The following FKBP5 variants were observed in gnomAD, a reference collection of about 807,000 sequenced individuals.
FKBP5 encodes the protein peptidyl-prolyl cis-trans isomerase FKBP5.
Under a neutral mutation model 50.5 loss-of-function variants are expected in FKBP5, and 23 were observed. The observed-to-expected ratio is 0.46, with a 90% CI of 0.33 to 0.65. The LOEUF (loss-of-function observed/expected upper bound fraction) is 0.65, where lower values mean the gene tolerates loss of function less well. Ranked by LOEUF, FKBP5 falls within the 30% of genes least tolerant of loss-of-function variation. The pLI is 0.02. For missense variants in FKBP5, 411 were observed against 553.1 expected (o/e 0.74, Z 2.58); for synonymous variants, 176 against 190.6 (o/e 0.92, Z 0.63).
chr6:35,588,384 G>A (rs2150957840), intron 7 of FKBP5, among the ~76,000 whole-genome samples: 1 of 152,110 alleles, frequency 6.6e-6, no homozygotes, highest in African/African-American at 2.4e-5. Flanking sequence ...ATGTAATTCT[G>A]CTTCCTAATA....
upstream of FKBP5, among the ~76,000 whole-genome samples, chr6:35,693,193 G>A (rs1375192660): frequency 8.5e-6 from 1 of 117,612 alleles, no homozygotes; most frequent in Non-Finnish European, 1.6e-5. Flanking sequence ...GATGGAGCCT[G>A]GCTCTGTTGC....
intron 2 of FKBP5, among the ~76,000 whole-genome samples, chr6:35,715,514 G>GCC (rs1211949171): frequency 6.6e-6 from 1 of 152,162 alleles, no homozygotes; most frequent in Non-Finnish European, 1.5e-5. Flanking sequence ...GACAAAGAGG[G>GCC]CCCCCCTCAG....
chr6:35,602,780 G>A (rs1763187087), intron 5 of FKBP5, among the ~76,000 whole-genome samples: 1 of 152,112 alleles, frequency 6.6e-6, no homozygotes, highest in African/African-American at 2.4e-5. Context: ...AGAACTGACG[G>A]ACAGATGCTA....
intron 3 of FKBP5, among the ~76,000 whole-genome samples, chr6:35,623,122 G>T (rs1763895887): frequency 6.6e-6 from 1 of 151,994 alleles, no homozygotes; most frequent in African/African-American, 2.4e-5. Flanking sequence ...AGCGCCTGTA[G>T]TCCCAGCTAC....
chr6:35,594,313 C>G (rs1762910844), intron 6 of FKBP5, among the ~76,000 whole-genome samples: 1 of 151,648 alleles, frequency 6.6e-6, no homozygotes, highest in Non-Finnish European at 1.5e-5. Context: ...CCACCCTACT[C>G]CAGCCTAGGT....
chr6:35,577,201 G>C lies in FKBP5; in HGVS notation c.1059C>G (p.Gly353=). 1 of 1,612,930 alleles carries C rather than the reference G, an allele frequency of 6.2e-7. No homozygotes were observed. The highest frequency in any genetic ancestry group is 1.1e-5 in the South Asian group (1 of 90,956). ...GCTGGGCTTCACCCCTCCTATACAA[G>C]CCTTTCTCATTGGCACTGTCCAGTC... The part of the protein sequence containing the change: ...ALGLDSANEK[G]LYRRGEAQLL... Residue 353 remains glycine, a synonymous_variant, in exon 10 of 11, where the codon GGC becomes GGG. Transcript: ENST00000357266.
At chr6:35,707,612 T>G (rs1055976617) in intron 2 of FKBP5, among the ~76,000 whole-genome samples, 1 of 152,106 alleles carries the variant, frequency 6.6e-6, no homozygotes, top group Non-Finnish European at 1.5e-5. Context: ...GAACTCATGT[T>G]AAGGGAGTTT....
chr6:35,574,608 G>GA lies in FKBP5; in HGVS notation c.*1226dup, dbSNP rs1323166090. On this transcript the variant is annotated 3_prime_UTR_variant, in exon 11 of 11. Transcript: ENST00000357266. ...CTTTCACAACTCACGCCAGAACAGA[G>GA]AAGCTTGACAGGGCAGGAAAAGCGA... 6.6e-6 allele frequency: 1 copy of GA among 152,508 alleles called. No individual in the cohort carries two copies. Among genetic ancestry groups the GA allele is most frequent in the Non-Finnish European group, 1.5e-5 (1 of 68,044 alleles). 9.4% of individuals were successfully genotyped at this position (152,508 alleles called of 1,614,324 possible).
At chr6:35,609,423 C>T (rs1187136204) in intron 5 of FKBP5, among the ~76,000 whole-genome samples, 1 of 151,958 alleles carries the variant, frequency 6.6e-6, no homozygotes, top group African/African-American at 2.4e-5. Flanking sequence ...ATTCTTATTC[C>T]TTTGTACATA....
At chr6:35,690,931 G>A (rs554765779), upstream of FKBP5, among the ~76,000 whole-genome samples, 2 of 151,308 alleles carry the variant, frequency 1.3e-5, no homozygotes, top group Admixed American at 6.6e-5. Context: ...GCTTGAACCC[G>A]GGAGGCGGAG....
intron 5 of FKBP5, among the ~76,000 whole-genome samples, chr6:35,602,813 G>C (rs1763188602): frequency 6.6e-6 from 1 of 152,098 alleles, no homozygotes. Context: ...CCTGGCTCCT[G>C]GAACTGAATA....
At chr6:35,715,115 C>T (rs375446576) in intron 2 of FKBP5, among the ~76,000 whole-genome samples, 2 of 152,068 alleles carry the variant, frequency 1.3e-5, no homozygotes, top group Admixed American at 1.3e-4. Context: ...GGCCAGGCTG[C>T]TCTTGAACTC....
intron 5 of FKBP5, among the ~76,000 whole-genome samples, chr6:35,611,892 TA>T (rs1448034778): frequency 1.3e-5 from 2 of 152,322 alleles, no homozygotes; most frequent in East Asian, 1.9e-4. Flanking sequence ...GAAAAGGAAG[TA>T]AAAGTTTACA....
intron 5 of FKBP5, among the ~76,000 whole-genome samples, chr6:35,605,886 C>T (rs1375758560): frequency 2.0e-5 from 3 of 152,196 alleles, no homozygotes; most frequent in South Asian, 2.1e-4. Flanking sequence ...GGAAACCAGA[C>T]GTCTACCTCT....
chr6:35,688,150 T>C (rs1765888436), intron 1 of FKBP5, among the ~76,000 whole-genome samples: 1 of 152,194 alleles, frequency 6.6e-6, no homozygotes, highest in Admixed American at 6.5e-5. Flanking sequence ...GCGATGCGGT[T>C]CCCCAACGCT....
At chr6:35,667,236 A>T (rs1378696269) in intron 1 of FKBP5, among the ~76,000 whole-genome samples, 3 of 152,186 alleles carry the variant, frequency 2.0e-5, no homozygotes, top group Non-Finnish European at 2.9e-5. Context: ...TCATTCAACT[A>T]TTTATGGAAC....
At chr6:35,695,892 C>A in intron 2 of FKBP5, among the ~76,000 whole-genome samples, 1 of 151,954 alleles carries the variant, frequency 6.6e-6, no homozygotes, top group East Asian at 1.9e-4. Context: ...CACCTGTAAT[C>A]CCAGCACTTT....
chr6:35,635,781 G>A (rs1383827078), intron 3 of FKBP5, among the ~76,000 whole-genome samples: 5 of 152,056 alleles, frequency 3.3e-5, no homozygotes, highest in Admixed American at 2.0e-4. Context: ...CTTGTAACAC[G>A]AGACAACCAG....
intron 6 of FKBP5, among the ~76,000 whole-genome samples, chr6:35,595,992 T>A (rs1481228065): frequency 6.6e-6 from 1 of 152,134 alleles, no homozygotes; most frequent in Non-Finnish European, 1.5e-5. Flanking sequence ...GTGACGGCTA[T>A]GAAGAGTTCA....
Sources: gnomAD v4.1 joint callset for allele counts (sites outside exome capture counted in the v4.1 genomes callset) on GRCh38, gnomAD v4.1.1 for gene constraint, MANE v1.5 for transcripts, NCBI Gene and HGNC (gene_info 2026-07-23, HGNC 2026-07-21) for gene names.